KCTD8: variants seen among roughly 807,000 people sequenced by gnomAD.
The protein encoded by KCTD8 is BTB/POZ domain-containing protein KCTD8.
A neutral mutation model predicts 31.5 loss-of-function variants in KCTD8; 27 were observed. The observed-to-expected ratio is 0.86, with a 90% CI of 0.63 to 1.18. The LOEUF is 1.18. Among genes scored for constraint, KCTD8 ranks in the 50% most tolerant of loss-of-function variants. The pLI is 0.00. For synonymous variants in KCTD8, 290 were observed against 280.0 expected (o/e 1.04, Z -0.36); for missense variants, 658 against 647.7 (o/e 1.02, Z -0.17).
chr4:44,181,159 C>T (rs1469511998), intron 1 of KCTD8, among the ~76,000 whole-genome samples: 3 of 151,514 alleles, frequency 2.0e-5, no homozygotes, highest in African/African-American at 7.3e-5. Context: ...CTCTCCCTCT[C>T]CCTCTCCCTC....
chr4:44,443,232 G>A (rs760480598), intron 1 of KCTD8, among the ~76,000 whole-genome samples: 3 of 152,046 alleles, frequency 2.0e-5, no homozygotes, highest in Admixed American at 6.6e-5. Context: ...GTAGTAACTC[G>A]GGAGAAAAAT....
chr4:44,255,625 A>G (rs1230926918), intron 1 of KCTD8, among the ~76,000 whole-genome samples: 1 of 151,826 alleles, frequency 6.6e-6, no homozygotes, highest in Non-Finnish European at 1.5e-5. Context: ...GCTCTTTTTA[A>G]GAAGAAAATG....
chr4:44,417,723 C>A (rs543063767), intron 1 of KCTD8, among the ~76,000 whole-genome samples: 1 of 129,898 alleles, frequency 7.7e-6, no homozygotes, highest in East Asian at 2.2e-4. Flanking sequence ...TTGGCATTAG[C>A]CAACTATATC....
intron 1 of KCTD8, among the ~76,000 whole-genome samples, chr4:44,417,702 G>A (rs1426271441): frequency 1.6e-5 from 1 of 62,584 alleles, no homozygotes; most frequent in Non-Finnish European, 3.7e-5. Context: ...ATAACAGAAG[G>A]ACTAAATAAG....
chr4:44,233,402 T>C (rs528750101), intron 1 of KCTD8, among the ~76,000 whole-genome samples: 127 of 152,222 alleles, frequency 8.3e-4, no homozygotes, highest in Admixed American at 1.1e-3. Flanking sequence ...TTTGTTCATT[T>C]TTAAGTAGCT....
At chr4:44,258,774 T>G (rs1716068167) in intron 1 of KCTD8, among the ~76,000 whole-genome samples, 1 of 151,898 alleles carries the variant, frequency 6.6e-6, no homozygotes. Flanking sequence ...TATATTAACA[T>G]ATGAGTCAAG....
chr4:44,222,270 T>C (rs1468805688), intron 1 of KCTD8, among the ~76,000 whole-genome samples: 2 of 152,130 alleles, frequency 1.3e-5, no homozygotes, highest in African/African-American at 4.8e-5. Flanking sequence ...GAGCCTGAAG[T>C]TGACATACAT....
chr4:44,435,440 T>C (rs925372312), intron 1 of KCTD8, among the ~76,000 whole-genome samples: 9 of 152,006 alleles, frequency 5.9e-5, no homozygotes, highest in Non-Finnish European at 1.3e-4. Context: ...AATATGACCA[T>C]TTCAAAATTA....
At chr4:44,205,839 T>C (rs1714288131) in intron 1 of KCTD8, among the ~76,000 whole-genome samples, 1 of 152,180 alleles carries the variant, frequency 6.6e-6, no homozygotes, top group East Asian at 1.9e-4. Context: ...GTTTGCAGAA[T>C]TAAACTTACC....
chr4:44,258,159 A>G (rs1396807511), intron 1 of KCTD8, among the ~76,000 whole-genome samples: 2 of 151,974 alleles, frequency 1.3e-5, no homozygotes, highest in Non-Finnish European at 2.9e-5. Flanking sequence ...ATTGTCACAA[A>G]TGAATTACTA....
intron 1 of KCTD8, among the ~76,000 whole-genome samples, chr4:44,341,973 C>T (rs1379470246): frequency 6.6e-6 from 1 of 152,172 alleles, no homozygotes; most frequent in Non-Finnish European, 1.5e-5. Flanking sequence ...GGTCTTGATG[C>T]ATGGATCTGC....
At chr4:44,441,409 C>G (rs1457470308) in intron 1 of KCTD8, among the ~76,000 whole-genome samples, 1 of 152,048 alleles carries the variant, frequency 6.6e-6, no homozygotes, top group Non-Finnish European at 1.5e-5. Flanking sequence ...ATAACCCTTC[C>G]AGCAAGACAT....
At chr4:44,216,172 A>T (rs1714646286) in intron 1 of KCTD8, among the ~76,000 whole-genome samples, 1 of 152,204 alleles carries the variant, frequency 6.6e-6, no homozygotes, top group Non-Finnish European at 1.5e-5. Context: ...AACAATCAGT[A>T]TAAACATCTT....
At chr4:44,177,896 G>A (rs1041247236) in intron 1 of KCTD8, among the ~76,000 whole-genome samples, 8 of 152,142 alleles carry the variant, frequency 5.3e-5, no homozygotes. Flanking sequence ...AGCTGAGTGT[G>A]TCTTCTCTCT....
intron 1 of KCTD8, among the ~76,000 whole-genome samples, chr4:44,208,444 C>T (rs566831167): frequency 6.6e-6 from 1 of 152,224 alleles, no homozygotes; most frequent in South Asian, 2.1e-4. Context: ...ATCTTCACCT[C>T]CATCTCTTAT....
At chr4:44,439,499 G>A (rs1034920538) in intron 1 of KCTD8, among the ~76,000 whole-genome samples, 1 of 152,130 alleles carries the variant, frequency 6.6e-6, no homozygotes, top group Non-Finnish European at 1.5e-5. Flanking sequence ...GAAGCTGTCT[G>A]TTGTTATTAC....
intron 1 of KCTD8, among the ~76,000 whole-genome samples, chr4:44,379,164 G>GT (rs1429177453): frequency 1.5e-4 from 23 of 152,094 alleles, no homozygotes; most frequent in African/African-American, 5.6e-4. Context: ...GCCATATGAA[G>GT]TAACATACTA....
intron 1 of KCTD8, among the ~76,000 whole-genome samples, chr4:44,393,369 G>A (rs1295384928): frequency 6.6e-6 from 1 of 151,824 alleles, no homozygotes; most frequent in East Asian, 1.9e-4. Flanking sequence ...GAAAATTAGT[G>A]TAAAGCATTT....
chr4:44,200,715 A>C (rs1042884808), intron 1 of KCTD8, among the ~76,000 whole-genome samples: 1 of 152,084 alleles, frequency 6.6e-6, no homozygotes, highest in African/African-American at 2.4e-5. Flanking sequence ...GAACAGGCAA[A>C]AGCTTAAATC....
Sources: gnomAD v4.1 joint callset for allele counts (sites outside exome capture counted in the v4.1 genomes callset) on GRCh38, gnomAD v4.1.1 for gene constraint, MANE v1.5 for transcripts, NCBI Gene and HGNC (gene_info 2026-07-23, HGNC 2026-07-21) for gene names.